The following ACVR1 variants were observed in gnomAD, a reference collection of about 807,000 sequenced individuals.
ACVR1 encodes activin receptor type-1.
ACVR1 carries 38 observed loss-of-function variants against 57.1 expected under a neutral mutation model. That is an observed-to-expected ratio of 0.67 (90% CI 0.51 to 0.87). The LOEUF is 0.87. Among genes scored for constraint, ACVR1 ranks in the 40% least tolerant of loss-of-function variants. The pLI is 0.00. For synonymous variants in ACVR1, 212 were observed against 228.1 expected, an observed-to-expected ratio of 0.93 and a Z score of 0.63; for missense variants, 463 against 638.2, an observed-to-expected ratio of 0.73 and a Z score of 2.96.
chr2:157,779,058 C>T (rs1424087184), intron 4 of ACVR1, among the ~76,000 whole-genome samples: 1 of 152,086 alleles, frequency 6.6e-6, no homozygotes, highest in East Asian at 1.9e-4. Flanking sequence ...CATCATACTC[C>T]ATGGCATATG....
intron 9 of ACVR1, among the ~76,000 whole-genome samples, chr2:157,755,535 T>C (rs918595633): frequency 1.4e-5 from 2 of 138,484 alleles, no homozygotes; most frequent in Admixed American, 7.1e-5. Context: ...TACCATACCA[T>C]ACCATACCAT....
At chr2:157,804,123 T>C (rs552142571) in intron 2 of ACVR1, among the ~76,000 whole-genome samples, 17 of 152,290 alleles carry the variant, frequency 1.1e-4, no homozygotes, top group African/African-American at 3.6e-4. Context: ...AGGAGGACCT[T>C]GTGAAACCCC....
chr2:157,760,936 T>A lies in ACVR1; in HGVS notation c.1208A>T (p.Asp403Val). Residue 403 changes from aspartate (D) to valine (V), a missense_variant, in exon 9 of 11, where the codon GAT (aspartate) becomes GTT (valine). Asp to Val is a radical substitution (Grantham distance 152). Coordinates refer to ENST00000434821, the MANE Select transcript of ACVR1 (RefSeq NM_001111067.4). ...VDCFDSYKRV[D>V]IWAFGLVLWE... Reference sequence around the variant, plus strand: ...CAAAACAAGTCCAAAGGCCCAAATATCGACCCTTTTATAAGAATCGAAACA... The same window carrying A: ...CAAAACAAGTCCAAAGGCCCAAATAACGACCCTTTTATAAGAATCGAAACA... 1 of 1,614,122 alleles carries A rather than the reference T, an allele frequency of 6.2e-7. No homozygotes were observed. The highest frequency in any genetic ancestry group is 8.5e-7 in the Non-Finnish European group (1 of 1,180,010).
chr2:157,822,910 T>C (rs1452757482), intron 1 of ACVR1, among the ~76,000 whole-genome samples: 1 of 152,250 alleles, frequency 6.6e-6, no homozygotes, highest in Non-Finnish European at 1.5e-5. Context: ...TTAACAGTAC[T>C]ACACAGATTC....
intron 1 of ACVR1, among the ~76,000 whole-genome samples, chr2:157,829,133 C>A (rs890651212): frequency 6.6e-6 from 1 of 152,086 alleles, no homozygotes; most frequent in South Asian, 2.1e-4. Context: ...TAACTGAGTA[C>A]GAAAATGTAC....
rs34984648 is a variant in ACVR1, at chr2:157,794,885, CA to C, written c.67+4541del. On this transcript the variant is annotated intron_variant, in intron 3 of 10. Coordinates refer to ENST00000434821, the MANE Select transcript of ACVR1 (RefSeq NM_001111067.4). ...GTTCTGAAGTACACTCAAACTCTAC[CA>C]AAAAAAAAAAAATCACTGTTTAGAA... Among the ~76,000 whole-genome samples, 322 of 138,490 alleles carry C rather than the reference CA, an allele frequency of 2.3e-3. 2 individuals carry two copies. Among genetic ancestry groups the C allele is most frequent in the Middle Eastern group, 7.5e-3 (2 of 266 alleles). 90.9% of individuals were successfully genotyped at this position (138,490 alleles called of 152,430 possible).
rs533474242 is a variant in ACVR1 at position 157,768,452 on chromosome 2, T to C, written c.790+1916A>G. Among the ~76,000 whole-genome samples, 21 of 152,268 alleles carry C rather than the reference T, an allele frequency of 1.4e-4. No individual in the cohort carries two copies. The South Asian group carries it at 4.4e-3, about 32-fold the overall frequency. On this transcript the variant is annotated intron_variant, in intron 7 of 10. Coordinates refer to ENST00000434821, the MANE Select transcript of ACVR1 (RefSeq NM_001111067.4). Reference sequence around the variant, plus strand: ...TATATATCTGTGTAGCCTCTACTGATTTCCTCTCCCAAGAAAAAGGAGCTT... The same window carrying C: ...TATATATCTGTGTAGCCTCTACTGACTTCCTCTCCCAAGAAAAAGGAGCTT...
chr2:157,784,935 C>T (rs1386180970), intron 3 of ACVR1, among the ~76,000 whole-genome samples: 1 of 152,202 alleles, frequency 6.6e-6, no homozygotes, highest in African/African-American at 2.4e-5. Flanking sequence ...AAAGTATTCA[C>T]ATTTATGTTT....
At chr2:157,752,707 T>C (rs990978483) in intron 9 of ACVR1, among the ~76,000 whole-genome samples, 4 of 152,126 alleles carry the variant, frequency 2.6e-5, no homozygotes, top group Admixed American at 2.0e-4. Flanking sequence ...GATTGATAAA[T>C]GAAGGAAAGA....
intron 1 of ACVR1, among the ~76,000 whole-genome samples, chr2:157,840,258 C>G (rs1204202454): frequency 1.3e-5 from 2 of 152,164 alleles, no homozygotes; most frequent in African/African-American, 4.8e-5. Flanking sequence ...ACCTGTTTTA[C>G]CCTGGACTCC....
At chr2:157,804,255 A>G (rs1687436743) in intron 2 of ACVR1, among the ~76,000 whole-genome samples, 1 of 152,204 alleles carries the variant, frequency 6.6e-6, no homozygotes, top group Non-Finnish European at 1.5e-5. Flanking sequence ...TTTTAGACTG[A>G]GCACTTAGCG....
At chr2:157,774,312 GT>G (rs1686189675) in intron 5 of ACVR1, 125 bp from the exon 6 acceptor site, 5 of 756,192 alleles carry the variant, frequency 6.6e-6, no homozygotes, top group Non-Finnish European at 1.2e-5. Flanking sequence ...GCCTGTTAGT[GT>G]ACATGTAAAG....
intron 9 of ACVR1, among the ~76,000 whole-genome samples, chr2:157,759,194 T>A (rs374110816): frequency 2.6e-5 from 4 of 151,772 alleles, no homozygotes; most frequent in African/African-American, 9.7e-5. Flanking sequence ...ATTAATGAAA[T>A]AAAAAGTTAG....
chr2:157,872,772 T>A, intron 1 of ACVR1, among the ~76,000 whole-genome samples: 1 of 152,212 alleles, frequency 6.6e-6, no homozygotes, highest in East Asian at 1.9e-4. Context: ...TAATTTTCTT[T>A]ATCATTTTAG....
intron 9 of ACVR1, among the ~76,000 whole-genome samples, chr2:157,756,008 C>T (rs1042275237): frequency 6.6e-6 from 1 of 151,776 alleles, no homozygotes; most frequent in African/African-American, 2.4e-5. Context: ...AGAAATAAAC[C>T]CAAATACTTA....
intron 1 of ACVR1, among the ~76,000 whole-genome samples, chr2:157,819,972 C>A (rs73966131): frequency 6.6e-6 from 1 of 151,956 alleles, no homozygotes; most frequent in South Asian, 2.1e-4. Flanking sequence ...AAAACCTTCA[C>A]GTAAATAAAT....
At chr2:157,805,813 C>CT (rs1365895953) in intron 2 of ACVR1, among the ~76,000 whole-genome samples, 5 of 96,862 alleles carry the variant, frequency 5.2e-5, no homozygotes, top group African/African-American at 1.2e-4. Context: ...TTTTTTTTTT[C>CT]TTTTTTCTTT....
intron 2 of ACVR1, among the ~76,000 whole-genome samples, chr2:157,805,088 A>G (rs1687468191): frequency 6.6e-6 from 1 of 152,212 alleles, no homozygotes; most frequent in Non-Finnish European, 1.5e-5. Context: ...CAGAACCCAT[A>G]TCAGGCAATC....
chr2:157,803,243 AATTTAGGCTCATAAATAGAAGAC>A (rs1687392137), intron 2 of ACVR1, among the ~76,000 whole-genome samples: 1 of 152,218 alleles, frequency 6.6e-6, no homozygotes, highest in African/African-American at 2.4e-5. Flanking sequence ...TTAAAACAAT[AATTTAGGCTCATAAATAGAAGAC>A]AGAAAAAGAA....
Sources: gnomAD v4.1 joint callset for allele counts (sites outside exome capture counted in the v4.1 genomes callset) on GRCh38, gnomAD v4.1.1 for gene constraint, MANE v1.5 for transcripts, NCBI Gene and HGNC (gene_info 2026-07-23, HGNC 2026-07-21) for gene names.